Variants in KCNQ1 observed in about 807,000 individuals in gnomAD.
KCNQ1 encodes the protein potassium voltage-gated channel subfamily KQT member 1.
Under a neutral mutation model 72.4 loss-of-function variants are expected in KCNQ1, and 49 were observed. That is an observed-to-expected ratio of 0.68 (90% CI 0.54 to 0.86). The LOEUF (loss-of-function observed/expected upper bound fraction) is 0.86. KCNQ1 is among the 40% of genes least tolerant of loss of function. The pLI is 0.00. For missense variants in KCNQ1, 790 were observed against 945.1 expected, an observed-to-expected ratio of 0.84 and a Z score of 2.15; for synonymous variants, 450 against 412.6, an observed-to-expected ratio of 1.09 and a Z score of -1.10.
chr11:2,631,957 C>A, intron 10 of KCNQ1: 2 of 396,508 alleles, frequency 5.0e-6, no homozygotes, highest in East Asian at 3.6e-5. Context: ...CTGAGGAGGG[C>A]AGATCACAAG....
chr11:2,797,159 C>CT (rs1236550050), intron 15 of KCNQ1, among the ~76,000 whole-genome samples: 3 of 136,174 alleles, frequency 2.2e-5, no homozygotes, highest in Non-Finnish European at 1.6e-5. Flanking sequence ...CCGGGCAGAC[C>CT]TGGGGGGGTG....
intron 15 of KCNQ1, among the ~76,000 whole-genome samples, chr11:2,802,339 G>A (rs1027055263): frequency 7.2e-5 from 11 of 152,230 alleles, no homozygotes; most frequent in Admixed American, 2.6e-4. Context: ...GGGGCCACCA[G>A]CACAGCCTCC....
At chr11:2,747,909 G>A (rs141106954) in intron 11 of KCNQ1, among the ~76,000 whole-genome samples, 11 of 152,244 alleles carry the variant, frequency 7.2e-5, no homozygotes, top group South Asian at 4.1e-4. Context: ...GATGGGGAGC[G>A]ATAAGGGCTG....
At chr11:2,503,035 C>A (rs2133647174) in intron 1 of KCNQ1, among the ~76,000 whole-genome samples, 1 of 151,948 alleles carries the variant, frequency 6.6e-6, no homozygotes, top group African/African-American at 2.4e-5. Context: ...AAAAACAAAT[C>A]AAAGTGAATT....
rs895044105 is a variant in KCNQ1, at chr11:2,673,358, G to A, written c.1514+11277G>A. ...GAAACAGTCTCATTAGCAAACAAAG[G>A]GAAGTGACAGAGCAGAGCTCCCCTT... On this transcript the variant is annotated intron_variant, in intron 11 of 15. Transcript: ENST00000155840. This position sits in a 1 kb window ranked among gnomAD's most constrained non-coding sequence, Gnocchi z 4.5. 3 of 398,576 alleles carry A rather than the reference G, an allele frequency of 7.5e-6. No individual in the cohort carries two copies. The highest frequency in any genetic ancestry group is 1.3e-5 in the Non-Finnish European group (3 of 226,106). 24.7% of individuals were successfully genotyped at this position (398,576 alleles called of 1,614,324 possible).
intron 11 of KCNQ1, among the ~76,000 whole-genome samples, chr11:2,733,859 C>CT (rs1845907356): frequency 1.7e-5 from 2 of 119,352 alleles, no homozygotes; most frequent in Non-Finnish European, 3.5e-5. Flanking sequence ...CTCTCTCTCC[C>CT]CCCCCACTTC....
intron 6 of KCNQ1, among the ~76,000 whole-genome samples, chr11:2,577,702 A>C (rs990112089): frequency 1.2e-4 from 18 of 151,802 alleles, no homozygotes; most frequent in Non-Finnish European, 2.2e-4. Flanking sequence ...CCCCACCCCC[A>C]CCTGGTGGCG....
intron 1 of KCNQ1, among the ~76,000 whole-genome samples, chr11:2,485,052 C>T (rs768954644): frequency 1.4e-4 from 21 of 152,150 alleles, no homozygotes; most frequent in East Asian, 3.9e-4. Context: ...CGTCTGTGCA[C>T]GGCGCGTCTT....
intron 15 of KCNQ1, among the ~76,000 whole-genome samples, chr11:2,805,356 G>C (rs1847350836): frequency 6.6e-6 from 1 of 152,220 alleles, no homozygotes; most frequent in Non-Finnish European, 1.5e-5. Context: ...CGACGACGGA[G>C]AGGGACGACA....
rs1193763770 is a variant in KCNQ1 at position 2,768,971 on chromosome 11, T to A, written c.1590+52T>A. 7.0e-7 allele frequency: 1 copy of A among 1,419,036 alleles called. No homozygotes were observed. Among genetic ancestry groups the A allele is most frequent in the Non-Finnish European group, 1.0e-6 (1 of 1,003,566 alleles). 87.9% of individuals were successfully genotyped at this position (1,419,036 alleles called of 1,614,324 possible). On this transcript the variant is annotated intron_variant, in intron 12 of 15. Transcript: ENST00000155840. The surrounding 1 kb of genome is among the most constrained non-coding windows in gnomAD (Gnocchi z 6.7). ...CCTCAGCCTGCCCCTCGCAGCCTGA[T>A]GCAGCTGCCCACACCTCTCCTGGGT...
rs1018718202 is a variant in KCNQ1, at chr11:2,848,877, C to T, written c.*874C>T. 8.8e-6 allele frequency: 4 copies of T among 454,036 alleles called. No individual in the cohort carries two copies. Among genetic ancestry groups the T allele is most frequent in the Admixed American group, 4.7e-5 (2 of 42,562 alleles). The allele number at this position is 454,036 out of a possible 1,614,324, so 28.1% of individuals were successfully genotyped here. ...GGACAGGGGTTCCTTCTGGGCATTA[C>T]ATCGCATAGAAATCAATAATTTGTG... is the stretch of plus-strand genomic sequence containing the variant. On this transcript the variant is annotated 3_prime_UTR_variant, in exon 16 of 16. Coordinates refer to ENST00000155840, the MANE Select transcript of KCNQ1 (RefSeq NM_000218.3).
chr11:2,787,102 A>C lies in KCNQ1; in HGVS notation c.1794+9065A>C, dbSNP rs1002783841. On this transcript the variant is annotated intron_variant, in intron 15 of 15. Transcript: ENST00000155840. This position sits in a 1 kb window ranked among gnomAD's most constrained non-coding sequence, Gnocchi z 6.3. Reference sequence around the variant, plus strand: ...GGGTGTACTGCCAGCCTGGACTTTTAATTCTAGGCTCAAAGTTTTCTAGGC... The same window carrying C: ...GGGTGTACTGCCAGCCTGGACTTTTCATTCTAGGCTCAAAGTTTTCTAGGC... Among the ~76,000 whole-genome samples the C allele has an allele frequency of 6.6e-6, 1 of 152,100 alleles. No individual in the cohort carries two copies. The highest frequency in any genetic ancestry group is 1.5e-5 in the Non-Finnish European group (1 of 68,014).
intron 11 of KCNQ1, chr11:2,686,763 G>A: frequency 2.5e-6 from 1 of 398,656 alleles, no homozygotes; most frequent in East Asian, 3.6e-5. Flanking sequence ...TTGTAAATGT[G>A]CATCCCCTGT....
intron 1 of KCNQ1, among the ~76,000 whole-genome samples, chr11:2,453,408 AT>A (rs5789256): frequency 0.77 from 116,702 of 151,854 alleles, 45,636 homozygotes; most frequent in Non-Finnish European, 0.86. Context: ...GAAACAGCCA[AT>A]TGCCAGGCTG....
intron 11 of KCNQ1, among the ~76,000 whole-genome samples, chr11:2,737,902 G>T (rs1479748692): frequency 6.6e-6 from 1 of 152,170 alleles, no homozygotes; most frequent in Admixed American, 6.5e-5. Flanking sequence ...GAAAGGGGTT[G>T]GTGCCCCCTG....
At chr11:2,546,206 G>GTGTA (rs750632810) in intron 2 of KCNQ1, among the ~76,000 whole-genome samples, 57 of 151,530 alleles carry the variant, frequency 3.8e-4, no homozygotes, top group Admixed American at 1.3e-3. Context: ...TTCTTCTCTG[G>GTGTA]TGTATGCATT....
chr11:2,575,091 C>T (rs1848401790), intron 6 of KCNQ1, among the ~76,000 whole-genome samples: 1 of 152,188 alleles, frequency 6.6e-6, no homozygotes, highest in Admixed American at 6.5e-5. Context: ...ATAAGCAGTG[C>T]CCAGCCTTCG....
Position 2,608,617 on chromosome 11 carries a change from A to G in KCNQ1, c.1393+19763A>G, listed in dbSNP as rs1848921306. 2.5e-6 allele frequency: 1 copy of G among 398,434 alleles called. No homozygotes were observed. Among genetic ancestry groups the G allele is most frequent in the South Asian group, 1.3e-4 (1 of 7,858 alleles). The allele number at this position is 398,434 out of a possible 1,614,324, so 24.7% of individuals were successfully genotyped here. A position where few individuals can be genotyped will look rare whatever the true frequency, so the allele number is the denominator to read the frequency against. On this transcript the variant is annotated intron_variant, in intron 10 of 15. Coordinates refer to ENST00000155840, the MANE Select transcript of KCNQ1 (RefSeq NM_000218.3). This position sits in a 1 kb window ranked among gnomAD's most constrained non-coding sequence, Gnocchi z 4.6. ...TAGCCTATGACAGGTGTGCACCACA[A>G]CACCAGCTGTTATTCAAAAAATATT...
At chr11:2,802,332 G>C (rs1296203044) in intron 15 of KCNQ1, among the ~76,000 whole-genome samples, 1 of 152,222 alleles carries the variant, frequency 6.6e-6, no homozygotes, top group Admixed American at 6.5e-5. Context: ...CAGCACTGGG[G>C]CCACCAGCAC....
Sources: allele counts gnomAD v4.1 joint callset (sites outside exome capture counted in the v4.1 genomes callset), GRCh38; gene constraint gnomAD v4.1.1; non-coding constraint Gnocchi (gnomAD v3.1); transcripts MANE v1.5; gene names NCBI Gene and HGNC (gene_info 2026-07-23, HGNC 2026-07-21).